The following HERC4 variants were observed in gnomAD, a reference collection of about 807,000 sequenced individuals.
The protein encoded by HERC4 is HECT and RLD domain containing E3 ubiquitin protein ligase 4.
In HERC4, 28 loss-of-function variants were observed where a neutral mutation model predicts 124.3. The ratio of observed to expected loss-of-function variants is 0.23; its 90% CI spans 0.17 to 0.31. HERC4 has a LOEUF of 0.31. HERC4 is among the 10% of genes least tolerant of loss of function. The probability of loss-of-function intolerance (pLI) is 1.00; values close to 1 mark genes in which losing one functional copy is unlikely to be tolerated. For synonymous variants in HERC4, 407 were observed against 421.5 expected, an observed-to-expected ratio of 0.97 and a Z score of 0.42; for missense variants, 713 against 1,229.3, an observed-to-expected ratio of 0.58 and a Z score of 6.28.
intron 9 of HERC4, among the ~76,000 whole-genome samples, chr10:68,005,096 T>C (rs1332751449): frequency 6.6e-6 from 1 of 152,218 alleles, no homozygotes; most frequent in Non-Finnish European, 1.5e-5. Flanking sequence ...AATTTATTTC[T>C]GAGTTCTCTG....
At chr10:68,071,408 G>C (rs2041567461) in intron 3 of HERC4, among the ~76,000 whole-genome samples, 1 of 152,166 alleles carries the variant, frequency 6.6e-6, no homozygotes, top group Non-Finnish European at 1.5e-5. Context: ...TCTATGTGCT[G>C]GCTTTTTACT....
At chr10:68,007,085 T>C (rs2037617292) in intron 9 of HERC4, among the ~76,000 whole-genome samples, 2 of 152,150 alleles carry the variant, frequency 1.3e-5, no homozygotes, top group South Asian at 4.1e-4. Flanking sequence ...TCCTTCTACC[T>C]CCTCTTTAAG....
intron 4 of HERC4, among the ~76,000 whole-genome samples, chr10:68,043,128 T>C (rs2039852039): frequency 6.6e-6 from 1 of 152,180 alleles, no homozygotes; most frequent in South Asian, 2.1e-4. Context: ...TTTCCATTTA[T>C]TATTTACCTA....
intron 15 of HERC4, among the ~76,000 whole-genome samples, chr10:67,974,142 A>T (rs2035440159): frequency 1.3e-5 from 2 of 150,382 alleles, no homozygotes; most frequent in African/African-American, 4.9e-5. Context: ...TCAGGAAAAC[A>T]AGACAACCTT....
At chr10:68,059,603 A>C (rs1589446476) in intron 3 of HERC4, among the ~76,000 whole-genome samples, 1 of 84,502 alleles carries the variant, frequency 1.2e-5, no homozygotes, top group South Asian at 3.5e-4. Context: ...TATATATCAT[A>C]ATATTATATA....
intron 19 of HERC4, among the ~76,000 whole-genome samples, chr10:67,943,672 G>A (rs984533588): frequency 3.9e-5 from 6 of 152,204 alleles, no homozygotes; most frequent in Non-Finnish European, 4.4e-5. Context: ...GTGCTGCACT[G>A]AAAACAAAGG....
At position 68,039,246 on chromosome 10, in the gene HERC4, G is replaced by A. The variant is rs368964228; in HGVS notation, c.387-1077C>T. 2.8e-3 allele frequency among the ~76,000 whole-genome samples: 418 copies of A among 150,302 alleles called. 3 individuals carry two copies. Among genetic ancestry groups the A allele is most frequent in the African/African-American group, 9.6e-3 (391 of 40,866 alleles). On this transcript the variant is annotated intron_variant, in intron 4 of 24. Transcript: ENST00000373700. ...CAGGAAAATGACTTGGACCTGGGAG[G>A]CAGAGGCTGCAGTGAGCCAAGATCA... is the stretch of plus-strand genomic sequence containing the variant.
intron 10 of HERC4, 44 bp downstream of exon 10, chr10:67,992,562 A>T: frequency 8.2e-7 from 1 of 1,217,444 alleles, no homozygotes; most frequent in East Asian, 2.4e-5. Flanking sequence ...AAATTTGTCA[A>T]AATTATTGGA....
At chr10:67,929,770 C>T (rs2031573807) in intron 23 of HERC4, among the ~76,000 whole-genome samples, 4 of 152,184 alleles carry the variant, frequency 2.6e-5, no homozygotes, top group Admixed American at 2.6e-4. Flanking sequence ...CAACCTCAGC[C>T]TCCCAAAGTG....
At chr10:67,959,177 G>A in intron 16 of HERC4, 3 of 1,544,498 alleles carry the variant, frequency 1.9e-6, no homozygotes, top group African/African-American at 1.4e-5. Flanking sequence ...CGAGGAAAGA[G>A]CAATATTAGT....
intron 15 of HERC4, among the ~76,000 whole-genome samples, chr10:67,969,775 G>A (rs769211771): frequency 2.6e-5 from 4 of 152,174 alleles, no homozygotes; most frequent in Admixed American, 6.5e-5. Context: ...CAAAAAAATC[G>A]GAAGCAGAGT....
intron 16 of HERC4, among the ~76,000 whole-genome samples, chr10:67,963,236 A>G (rs150410211): frequency 0.012 from 1,795 of 152,210 alleles, 18 homozygotes; most frequent in Non-Finnish European, 0.016. Flanking sequence ...TTATTTTTTG[A>G]GATGGAGTCT....
At chr10:67,946,820 T>C (rs971099448) in intron 19 of HERC4, among the ~76,000 whole-genome samples, 3 of 152,086 alleles carry the variant, frequency 2.0e-5, no homozygotes, top group East Asian at 3.9e-4. Context: ...GGCAAGAGAA[T>C]AGTATGAACC....
chr10:68,040,255 T>C (rs2039692591), intron 4 of HERC4: 1 of 982,106 alleles, frequency 1.0e-6, no homozygotes, highest in Non-Finnish European at 1.2e-6. Flanking sequence ...TAAATGCTAA[T>C]ATCTTTTACC....
intron 19 of HERC4, 28 bp from the exon 20 acceptor site, chr10:67,941,133 T>A (rs2032847001): frequency 1.4e-6 from 2 of 1,430,630 alleles, no homozygotes; most frequent in South Asian, 2.8e-5. Flanking sequence ...AGTAAACACA[T>A]GTCCTCCAAG....
intron 3 of HERC4, among the ~76,000 whole-genome samples, chr10:68,057,064 T>G (rs1322823161): frequency 1.3e-5 from 2 of 152,202 alleles, no homozygotes; most frequent in East Asian, 3.8e-4. Flanking sequence ...CCTTTTTTTG[T>G]TCTCCACAAC....
chr10:68,018,891 C>A (rs1268862918), intron 8 of HERC4, among the ~76,000 whole-genome samples: 1 of 147,914 alleles, frequency 6.8e-6, no homozygotes, highest in Admixed American at 6.8e-5. Context: ...CAATCAAAAC[C>A]CCACAAGGCT....
intron 3 of HERC4, among the ~76,000 whole-genome samples, chr10:68,057,227 A>T (rs2040592934): frequency 6.6e-6 from 1 of 152,196 alleles, no homozygotes; most frequent in Non-Finnish European, 1.5e-5. Context: ...TATTATTCAG[A>T]TTGGTGTGAA....
chr10:67,950,637 T>C (rs1216970787), intron 19 of HERC4, among the ~76,000 whole-genome samples: 1 of 152,170 alleles, frequency 6.6e-6, no homozygotes, highest in Non-Finnish European at 1.5e-5. Context: ...TCATTGATGA[T>C]GAAAGTTATA....
Sources: gnomAD v4.1 joint callset for allele counts (sites outside exome capture counted in the v4.1 genomes callset) on GRCh38, gnomAD v4.1.1 for gene constraint, MANE v1.5 for transcripts, NCBI Gene and HGNC (gene_info 2026-07-23, HGNC 2026-07-21) for gene names.